BDP1: variants seen among roughly 807,000 people sequenced by gnomAD.
BDP1 encodes the protein transcription factor TFIIIB component B'' homolog.
A neutral mutation model predicts 266.6 loss-of-function variants in BDP1; 169 were observed. The ratio of observed to expected loss-of-function variants is 0.63; its 90% CI spans 0.56 to 0.72. The LOEUF (loss-of-function observed/expected upper bound fraction) is 0.72. BDP1 is among the 30% of genes least tolerant of loss of function. The pLI is 0.00. For missense variants in BDP1, 3,015 were observed against 3,053.8 expected (o/e 0.99, Z 0.30); for synonymous variants, 1,090 against 1,022.4 (o/e 1.07, Z -1.26).
chr5:71,501,691 A>G (rs769643596), intron 14 of BDP1, 38 bp downstream of exon 14: 5 of 1,130,066 alleles, frequency 4.4e-6, no homozygotes, highest in Non-Finnish European at 6.5e-6. Flanking sequence ...AAAAAAAAAA[A>G]AAGTAACTCT....
Position 71,539,551 on chromosome 5 carries a change from C to T in BDP1, c.5930-6C>T. 1 of 1,599,072 alleles carries T rather than the reference C, an allele frequency of 6.3e-7. No individual in the cohort carries two copies. Among genetic ancestry groups the T allele is most frequent in the Non-Finnish European group, 8.5e-7 (1 of 1,171,370 alleles). ...TTTTTTTAATGTTGATATATTTCCT[C>T]ACAAGGTACCAATGATGGAAGCACC... On this transcript the variant is annotated splice_polypyrimidine_tract_variant and splice_region_variant and intron_variant, in intron 27 of 38. Coordinates refer to ENST00000358731, the MANE Select transcript of BDP1 (RefSeq NM_018429.3).
In BDP1 at chr5:71,456,039, C is replaced by T. The variant is rs762426161; in HGVS notation, c.162C>T (p.Pro54=). The T allele has an allele frequency of 2.5e-6, 4 of 1,613,404 alleles. No homozygotes were observed. Among genetic ancestry groups the T allele is most frequent in the Admixed American group, 3.3e-5 (2 of 60,014 alleles). The change falls in exon 1 of 39, where the codon CCC becomes CCT. Residue 54 remains proline (P), a synonymous_variant. Transcript: ENST00000358731. ...ASKPAEPTDV[P]TVDFGGAEPQ... ...AGCCCGCGGAGCCCACAGATGTGCC[C>T]ACAGTCGATTTCGGTGGAGCGGAGC...
intron 31 of BDP1, among the ~76,000 whole-genome samples, chr5:71,544,759 A>G (rs187063003): frequency 3.5e-4 from 53 of 151,514 alleles, no homozygotes; most frequent in Middle Eastern, 6.8e-3. Context: ...GGGCGTCTGT[A>G]GTTGTAGCTA....
rs758531027 is a variant in BDP1, at chr5:71,513,243, A to T, written c.4306A>T (p.Ser1436Cys). 13 of 1,613,762 alleles carry T rather than the reference A, an allele frequency of 8.1e-6. No homozygotes were observed. The highest frequency in any genetic ancestry group is 6.8e-6 in the Non-Finnish European group (8 of 1,179,998). Residue 1436 changes from serine (S) to cysteine (C), a missense_variant, in exon 19 of 39, where the codon AGC becomes TGC. Around this residue, in one of 3 missense-constraint regions of BDP1, gnomAD observed 2,383 missense variants for 2,404.9 expected, o/e 0.99. Coordinates refer to ENST00000358731, the MANE Select transcript of BDP1 (RefSeq NM_018429.3). Reference sequence around the variant, plus strand: ...AATTAAACCAGCACCTTTTGTGAGGAGCCGATTCAAAAGACCAAAACCAAA... The same window carrying T: ...AATTAAACCAGCACCTTTTGTGAGGTGCCGATTCAAAAGACCAAAACCAAA... The part of the protein sequence containing the change: ...LEIKPAPFVR[S>C]RFKRPKPNLA...
rs761664139 is a variant in BDP1 at position 71,513,378 on chromosome 5, GAACA to G, written c.4445_4448del (p.Gln1482LeufsTer13). On this transcript the variant is annotated frameshift_variant, in exon 19 of 39. Coordinates refer to ENST00000358731, the MANE Select transcript of BDP1 (RefSeq NM_018429.3). LOFTEE classifies it high-confidence loss of function. ...GACTATTGTGATGCAAGAAAATAAT[GAACA>G]AACTGATACTCTCCCTTCTCAACAT... 4.4e-6 allele frequency: 7 copies of G among 1,590,284 alleles called. No homozygotes were observed. The highest frequency in any genetic ancestry group is 6.0e-6 in the Non-Finnish European group (7 of 1,168,772).
intron 34 of BDP1, among the ~76,000 whole-genome samples, chr5:71,552,537 A>G (rs1035145983): frequency 1.3e-5 from 2 of 152,248 alleles, no homozygotes; most frequent in Non-Finnish European, 2.9e-5. Flanking sequence ...ACCATTGAGC[A>G]CTGAGTGAAC....
chr5:71,510,445 T>C lies in BDP1; in HGVS notation c.3353T>C (p.Leu1118Ser), dbSNP rs1156974232. ...CCTCTAGGTGAAATGCAAACAGATT[T>C]GAAAGCAACCGGAAGGGAGATTTCC... ...VKPLGEMQTD[L>S]KATGREISPR... is the part of the protein sequence containing the mutation. Residue 1118 changes from leucine (L) to serine (S), a missense_variant, in exon 17 of 39, where the codon TTG (leucine) becomes TCG (serine). This residue lies in a region of BDP1 where 2,383 missense variants were observed against 2,404.9 expected (regional missense o/e 0.99). Transcript: ENST00000358731. 1.9e-6 allele frequency: 3 copies of C among 1,613,058 alleles called. No homozygotes were observed. The African/African-American group carries it at 4.0e-5, about 22-fold the overall frequency.
At chr5:71,505,137 G>C (rs1458505572) in intron 16 of BDP1, among the ~76,000 whole-genome samples, 1 of 152,100 alleles carries the variant, frequency 6.6e-6, no homozygotes, top group Non-Finnish European at 1.5e-5. Flanking sequence ...CTCCCGAGTA[G>C]CTGGGATTAC....
In BDP1 at chr5:71,541,450, T is replaced by TCAG; in HGVS notation, c.6023-3_6023-1dup. 1 of 1,132,782 alleles carries TCAG rather than the reference T, an allele frequency of 8.8e-7. No homozygotes were observed. The allele number at this position is 1,132,782 out of a possible 1,614,324, so 70.2% of individuals were successfully genotyped here. On this transcript the variant is annotated splice_polypyrimidine_tract_variant and splice_region_variant and intron_variant, in intron 28 of 38. Transcript: ENST00000358731. The stretch of plus-strand genomic sequence containing the variant: ...TTAATTTTGTTTTTTTTTTTTTTCT[T>TCAG]CAGTAGGAGTATGTATAATTCCTCA...
In BDP1 at chr5:71,555,922, G is replaced by C. The variant is rs376607687; in HGVS notation, c.7201-964G>C. On this transcript the variant is annotated intron_variant, in intron 35 of 38. Transcript: ENST00000358731. ...AAGAGTTCTATTGGTATTTGTATTT[G>C]AATCATATTAACTTAGATTAACTTA... Among the ~76,000 whole-genome samples, 14 of 151,886 alleles carry C rather than the reference G, an allele frequency of 9.2e-5. 1 individual carries two copies. Among genetic ancestry groups the C allele is most frequent in the African/African-American group, 3.4e-4 (14 of 41,466 alleles).
rs1411324817 is a variant in BDP1, at chr5:71,467,383, G to A, written c.815G>A (p.Gly272Asp). The change falls in exon 6 of 39, where the codon GGC becomes GAC. Residue 272 changes from glycine to aspartate, a missense_variant. This residue lies in a region of BDP1 where 2,383 missense variants were observed against 2,404.9 expected (regional missense o/e 0.99). Coordinates refer to ENST00000358731, the MANE Select transcript of BDP1 (RefSeq NM_018429.3). The part of the protein sequence containing the change: ...SLTVEVLRTK[G>D]PCVVEENDPI... ...ACTGTAGAAGTTTTAAGAACAAAAG[G>A]CCCTTGTGTTGTTGAAGAAAATGAC... 3 of 1,609,188 alleles carry A rather than the reference G, an allele frequency of 1.9e-6. No homozygotes were observed. Among genetic ancestry groups the A allele is most frequent in the Admixed American group, 3.3e-5 (2 of 59,846 alleles).
chr5:71,489,862 T>G (rs570804327), intron 10 of BDP1, among the ~76,000 whole-genome samples, 180 bp downstream of exon 10: 1 of 152,314 alleles, frequency 6.6e-6, no homozygotes, highest in South Asian at 2.1e-4. Flanking sequence ...TGTAAAAAAA[T>G]TAAACAAATT....
At chr5:71,571,318 T>C (rs1561804247), downstream of BDP1, among the ~76,000 whole-genome samples, 2 of 151,796 alleles carry the variant, frequency 1.3e-5, no homozygotes, top group African/African-American at 4.8e-5. Flanking sequence ...CTAATACTTA[T>C]ATTTTTTGTA....
In BDP1 at chr5:71,458,618, C is replaced by T; in HGVS notation, c.252C>T (p.Ser84=). The T allele has an allele frequency of 1.2e-6, 2 of 1,612,974 alleles. No homozygotes were observed. The highest frequency in any genetic ancestry group is 8.5e-7 in the Non-Finnish European group (1 of 1,179,160). ...GTGGTGACAATGATGTTGAAGAATC[C>T]AGTAGATCTTCCTCTACTGTTTCAC... ...KTGGDNDVEE[S]SRSSSTVSQR... Residue 84 remains serine, a synonymous_variant, in exon 2 of 39, where the codon TCC becomes TCT. Transcript: ENST00000358731.
intron 25 of BDP1, among the ~76,000 whole-genome samples, chr5:71,529,001 A>T (rs1347226581): frequency 6.6e-6 from 1 of 152,228 alleles, no homozygotes; most frequent in African/African-American, 2.4e-5. Flanking sequence ...TAATAGCATT[A>T]ATCATAGTAA....
intron 34 of BDP1, among the ~76,000 whole-genome samples, chr5:71,551,186 A>G (rs1742720951): frequency 6.6e-6 from 1 of 151,934 alleles, no homozygotes; most frequent in South Asian, 2.1e-4. Flanking sequence ...GTCATAGGAC[A>G]ATAGTGGAGG....
chr5:71,548,307 G>T (rs963945432), intron 32 of BDP1, among the ~76,000 whole-genome samples: 6 of 152,052 alleles, frequency 3.9e-5, no homozygotes, highest in African/African-American at 1.4e-4. Flanking sequence ...GTGGTTTTTT[G>T]GAAAACAGGA....
At chr5:71,547,243 A>C (rs774976392) in intron 32 of BDP1, among the ~76,000 whole-genome samples, 27 of 151,702 alleles carry the variant, frequency 1.8e-4, no homozygotes, top group Non-Finnish European at 3.7e-4. Flanking sequence ...CCTTTAATCT[A>C]GAGTATTTTT....
chr5:71,539,745 G>T, intron 28 of BDP1, 96 bp downstream of exon 28: 1 of 725,516 alleles, frequency 1.4e-6, no homozygotes, highest in Non-Finnish European at 2.2e-6. Flanking sequence ...TTTTACCTTT[G>T]AAGTTGTCTC....
Sources: gnomAD v4.1 joint callset for allele counts (sites outside exome capture counted in the v4.1 genomes callset) on GRCh38, gnomAD v4.1.1 for gene constraint, gnomAD v4.1.1 regional missense constraint, MANE v1.5 for transcripts, NCBI Gene and HGNC (gene_info 2026-07-23, HGNC 2026-07-21) for gene names.